LRP1B: variants seen among roughly 807,000 people sequenced by gnomAD.
LRP1B encodes LDL receptor related protein 1B.
LRP1B carries 217 observed loss-of-function variants against 556.6 expected under a neutral mutation model. That is an observed-to-expected ratio of 0.39 (90% CI 0.35 to 0.44). The LOEUF (loss-of-function observed/expected upper bound fraction) is 0.44, where lower values mean the gene tolerates loss of function less well. Among genes scored for constraint, LRP1B ranks in the 20% least tolerant of loss-of-function variants. LRP1B has a pLI of 1.00. For missense variants in LRP1B, 5,053 were observed against 5,620.8 expected, an observed-to-expected ratio of 0.90 and a Z score of 3.23; for synonymous variants, 2,047 against 1,865.8, an observed-to-expected ratio of 1.10 and a Z score of -2.50.
chr2:141,404,889 T>G (rs568286614), intron 3 of LRP1B, among the ~76,000 whole-genome samples: 2 of 149,106 alleles, frequency 1.3e-5, no homozygotes, highest in East Asian at 3.9e-4. Context: ...GAGAATATGT[T>G]TTTTTTTTTT....
At chr2:141,674,848 T>C (rs916616789) in intron 2 of LRP1B, among the ~76,000 whole-genome samples, 3 of 152,014 alleles carry the variant, frequency 2.0e-5, no homozygotes, top group Non-Finnish European at 2.9e-5. Flanking sequence ...ACATGTACAT[T>C]AGACATTTTG....
At chr2:140,774,628 C>T (rs1338127587) in intron 33 of LRP1B, among the ~76,000 whole-genome samples, 1 of 151,986 alleles carries the variant, frequency 6.6e-6, no homozygotes, top group African/African-American at 2.4e-5. Context: ...CATATGTATG[C>T]GTTATTCACT....
intron 41 of LRP1B, among the ~76,000 whole-genome samples, chr2:140,648,904 T>G (rs943741010): frequency 3.9e-5 from 6 of 152,146 alleles, no homozygotes; most frequent in African/African-American, 1.4e-4. Flanking sequence ...ACACAATTTA[T>G]AGAGTTAGAG....
rs765086776 is a variant in LRP1B, at chr2:141,062,084, T to C, written c.1203A>G (p.Gly401=). 1.2e-6 allele frequency: 2 copies of C among 1,611,996 alleles called. No individual in the cohort carries two copies. The highest frequency in any genetic ancestry group is 1.1e-5 in the South Asian group (1 of 91,048). ...LDYVGVVDYQ[G]KNRHTVIQGR... ...CTTGAATGACAGTGTGTCTATTTTT[T>C]CCTTGATAGTCCACTACTCCCACAT... Residue 401 remains glycine (G), a synonymous_variant, in exon 8 of 91, where the codon GGA becomes GGG. Transcript: ENST00000389484.
At chr2:140,723,613 G>A (rs1184023596) in intron 35 of LRP1B, among the ~76,000 whole-genome samples, 1 of 152,142 alleles carries the variant, frequency 6.6e-6, no homozygotes, top group Non-Finnish European at 1.5e-5. Context: ...GAACTAAGGA[G>A]CTTTGAAAAA....
At chr2:142,028,029 T>C (rs767049600) in intron 1 of LRP1B, among the ~76,000 whole-genome samples, 1 of 151,982 alleles carries the variant, frequency 6.6e-6, no homozygotes, top group Non-Finnish European at 1.5e-5. Flanking sequence ...AAATACATAT[T>C]GACATTTAAC....
At chr2:140,582,906 T>A (rs1681829749) in intron 43 of LRP1B, among the ~76,000 whole-genome samples, 1 of 152,134 alleles carries the variant, frequency 6.6e-6, no homozygotes, top group Non-Finnish European at 1.5e-5. Flanking sequence ...GGCCAGTTGA[T>A]TAGGTTCAGC....
intron 1 of LRP1B, among the ~76,000 whole-genome samples, chr2:141,878,366 T>C (rs1001853386): frequency 2.7e-5 from 4 of 149,030 alleles, no homozygotes; most frequent in African/African-American, 7.4e-5. Context: ...CGGCAAAAAA[T>C]AACAACAACA....
At chr2:140,511,239 A>G (rs1689636370) in intron 51 of LRP1B, among the ~76,000 whole-genome samples, 1 of 149,368 alleles carries the variant, frequency 6.7e-6, no homozygotes, top group Admixed American at 6.6e-5. Flanking sequence ...TTTTTGAAGT[A>G]ATGTTTTCAA....
chr2:140,475,310 C>T lies in LRP1B; in HGVS notation c.9453G>A (p.Glu3151=), dbSNP rs1558907692. The T allele has an allele frequency of 1.0e-5, 16 of 1,606,240 alleles. No homozygotes were observed. The highest frequency in any genetic ancestry group is 1.3e-5 in the African/African-American group (1 of 74,788). The part of the protein sequence containing the change: ...AGYLYWIDCC[E]YPHIGRVGMD... Reference sequence around the variant, plus strand: ...TTCCAACACGGCCAATATGAGGATACTCGCAGCAGTCAATCCAATACAAAT... The same window carrying T: ...TTCCAACACGGCCAATATGAGGATATTCGCAGCAGTCAATCCAATACAAAT... Residue 3151 remains glutamate (E), a synonymous_variant, in exon 60 of 91, where the codon GAG becomes GAA. Coordinates refer to ENST00000389484, the MANE Select transcript of LRP1B (RefSeq NM_018557.3).
At chr2:141,205,436 A>G (rs1226609095) in intron 6 of LRP1B, among the ~76,000 whole-genome samples, 1 of 152,214 alleles carries the variant, frequency 6.6e-6, no homozygotes, top group African/African-American at 2.4e-5. Flanking sequence ...CAGGCTCTCC[A>G]CATGGAATGG....
chr2:141,524,952 G>A (rs1430031744), intron 2 of LRP1B, among the ~76,000 whole-genome samples: 1 of 152,058 alleles, frequency 6.6e-6, no homozygotes, highest in Non-Finnish European at 1.5e-5. Context: ...CTAGATGTTT[G>A]CACCATGTCT....
At chr2:141,366,015 G>A (rs11889264) in intron 3 of LRP1B, among the ~76,000 whole-genome samples, 9,577 of 152,170 alleles carry the variant, frequency 0.063, 426 homozygotes, top group African/African-American at 0.12. Context: ...TAGCCCTCTT[G>A]TTAATCTTAA....
chr2:140,236,120 ATAT>A lies in LRP1B; in HGVS notation c.13561-1239_13561-1237del, dbSNP rs550577692. ...AATTATGTCTAATTAGAAAAATATA[ATAT>A]TCTCTGATAGTACACAATGTATCCA... On this transcript the variant is annotated intron_variant, in intron 89 of 90. Coordinates refer to ENST00000389484, the MANE Select transcript of LRP1B (RefSeq NM_018557.3). 4.6e-5 allele frequency among the ~76,000 whole-genome samples: 7 copies of A among 151,046 alleles called. No homozygotes were observed. In the East Asian group the frequency reaches 1.2e-3, roughly 25 times the overall value.
intron 11 of LRP1B, among the ~76,000 whole-genome samples, chr2:141,027,593 G>C (rs57639568): frequency 0.18 from 27,730 of 151,948 alleles, 2,833 homozygotes; most frequent in African/African-American, 0.27. Context: ...GCTGATATTT[G>C]AATAAAGTCT....
At chr2:141,331,311 T>C (rs1207240617) in intron 3 of LRP1B, among the ~76,000 whole-genome samples, 1 of 152,124 alleles carries the variant, frequency 6.6e-6, no homozygotes, top group African/African-American at 2.4e-5. Flanking sequence ...AAATGAATTT[T>C]AAAAAAGTAT....
chr2:140,894,039 C>T (rs533309283), intron 23 of LRP1B, among the ~76,000 whole-genome samples: 4 of 151,984 alleles, frequency 2.6e-5, no homozygotes, highest in South Asian at 2.1e-4. Context: ...TATTAAAATC[C>T]GGATGGAAAC....
intron 2 of LRP1B, among the ~76,000 whole-genome samples, chr2:141,605,108 C>G (rs1347275925): frequency 1.3e-5 from 2 of 152,002 alleles, no homozygotes; most frequent in Admixed American, 6.5e-5. Flanking sequence ...TCCTGCGTCA[C>G]TATGGAGCAC....
intron 66 of LRP1B, among the ~76,000 whole-genome samples, chr2:140,413,894 CT>C (rs150619149): frequency 1.3e-5 from 2 of 152,054 alleles, no homozygotes; most frequent in African/African-American, 4.8e-5. Flanking sequence ...TAGTTCATAT[CT>C]TTTTTTCCAG....
Sources: allele counts gnomAD v4.1 joint callset (sites outside exome capture counted in the v4.1 genomes callset), GRCh38; gene constraint gnomAD v4.1.1; transcripts MANE v1.5; gene names NCBI Gene and HGNC (gene_info 2026-07-23, HGNC 2026-07-21).